PATJ: variants seen among roughly 807,000 people sequenced by gnomAD.
The protein encoded by PATJ is PATJ crumbs cell polarity complex component, also known as inaD-like protein.
PATJ carries 190 observed loss-of-function variants against 224.9 expected under a neutral mutation model. The observed-to-expected ratio is 0.84, with a 90% CI of 0.75 to 0.95. PATJ has a LOEUF of 0.95. PATJ is among the 40% of genes least tolerant of loss of function. The probability of loss-of-function intolerance (pLI) is 0.00; values close to 1 mark genes in which losing one functional copy is unlikely to be tolerated. For missense variants in PATJ, 2,121 were observed against 2,270.3 expected, an observed-to-expected ratio of 0.93 and a Z score of 1.34; for synonymous variants, 769 against 820.3, an observed-to-expected ratio of 0.94 and a Z score of 1.07.
intron 27 of PATJ, among the ~76,000 whole-genome samples, chr1:61,938,228 TGGATGG>T: frequency 6.6e-6 from 1 of 152,256 alleles, no homozygotes; most frequent in East Asian, 1.9e-4. Context: ...CTGGTCTAAG[TGGATGG>T]GGGATTCTAC....
rs970907762 is a variant in PATJ at position 61,904,986 on chromosome 1, G to A, written c.3382-3386G>A. Among the ~76,000 whole-genome samples the A allele has an allele frequency of 2.0e-5, 3 of 152,220 alleles. No homozygotes were observed. In the East Asian group the frequency reaches 5.8e-4, roughly 29 times the overall value. On this transcript the variant is annotated intron_variant, in intron 24 of 43. Coordinates refer to ENST00000642238, the MANE Select transcript of PATJ (RefSeq NM_001350145.3). Reference sequence around the variant, plus strand: ...ACCTGTAATCCCAGCACTTTGGGAGGCGGAGGCAGGAATGGATTGAGTCCA... The same window carrying A: ...ACCTGTAATCCCAGCACTTTGGGAGACGGAGGCAGGAATGGATTGAGTCCA...
At chr1:61,834,766 A>C (rs1004669184) in intron 17 of PATJ, among the ~76,000 whole-genome samples, 1 of 152,146 alleles carries the variant, frequency 6.6e-6, no homozygotes, top group African/African-American at 2.4e-5. Flanking sequence ...TTTTTGAGAC[A>C]GAGTCTCGTT....
chr1:62,072,820 AG>A (rs1335810350), intron 31 of PATJ: 1 of 153,044 alleles, frequency 6.5e-6, no homozygotes, highest in East Asian at 1.9e-4. Context: ...CAGATCTGAA[AG>A]GGCTGAAAAA....
rs71050181 is a variant in PATJ, at chr1:61,910,536, CTTTTTTTT to C, written c.3492+2075_3492+2082del. 4.3e-4 allele frequency among the ~76,000 whole-genome samples: 18 copies of C among 42,268 alleles called. No individual in the cohort carries two copies. In the South Asian group the frequency reaches 4.4e-3, roughly 10 times the overall value. 27.7% of individuals were successfully genotyped at this position (42,268 alleles called of 152,430 possible). On this transcript the variant is annotated intron_variant, in intron 25 of 43. Coordinates refer to ENST00000642238, the MANE Select transcript of PATJ (RefSeq NM_001350145.3). ...ACTTTGTTTATAGGGCAAAGTGACTCTTTTTTTTTTTTTTTTTTTTTTTTTTTTGGAGA... is the reference window on the plus strand; with the variant it reads ...ACTTTGTTTATAGGGCAAAGTGACTCTTTTTTTTTTTTTTTTTTTTGGAGA...
At chr1:61,890,901 C>T (rs569759861) in intron 22 of PATJ, among the ~76,000 whole-genome samples, 2 of 152,176 alleles carry the variant, frequency 1.3e-5, no homozygotes, top group South Asian at 4.1e-4. Context: ...AATATAACAG[C>T]CTTGCCAATA....
At chr1:61,920,993 A>G (rs2149260569) in intron 26 of PATJ, among the ~76,000 whole-genome samples, 1 of 152,164 alleles carries the variant, frequency 6.6e-6, no homozygotes, top group East Asian at 1.9e-4. Context: ...GGCATGAACC[A>G]CCGCACCTGG....
At chr1:62,004,325 C>T (rs927056689) in intron 28 of PATJ, among the ~76,000 whole-genome samples, 5 of 152,128 alleles carry the variant, frequency 3.3e-5, no homozygotes, top group South Asian at 2.1e-4. Flanking sequence ...GTATCCTCAT[C>T]ACTTATGCAA....
At chr1:61,832,501 C>T (rs988051042) in intron 16 of PATJ, among the ~76,000 whole-genome samples, 4 of 151,944 alleles carry the variant, frequency 2.6e-5, no homozygotes, top group South Asian at 2.1e-4. Flanking sequence ...ACTGAGGTTA[C>T]CCAAAGATTT....
intron 28 of PATJ, among the ~76,000 whole-genome samples, chr1:62,000,441 TGC>T (rs1645691961): frequency 6.8e-6 from 1 of 147,560 alleles, no homozygotes; most frequent in African/African-American, 2.5e-5. Flanking sequence ...AGTGAGAATA[TGC>T]AGTGTTTGGT....
intron 1 of PATJ, among the ~76,000 whole-genome samples, chr1:61,756,563 C>CTTTTTT (rs370667808): frequency 3.5e-3 from 230 of 65,524 alleles, no homozygotes; most frequent in Non-Finnish European, 4.0e-3. Flanking sequence ...AACCAGGACA[C>CTTTTTT]TTTTTTTTTT....
At chr1:61,757,390 ATTTTTG>A (rs1177766728) in intron 1 of PATJ, among the ~76,000 whole-genome samples, 13 of 150,954 alleles carry the variant, frequency 8.6e-5, no homozygotes, top group African/African-American at 2.5e-4. Flanking sequence ...CATTATTTTT[ATTTTTG>A]TTTTTTGAGA....
chr1:61,972,993 A>G (rs1371434818), intron 27 of PATJ, among the ~76,000 whole-genome samples: 1 of 152,110 alleles, frequency 6.6e-6, no homozygotes, highest in Admixed American at 6.6e-5. Flanking sequence ...TACCCAAAAA[A>G]GGTATTCTAT....
chr1:62,024,373 A>G (rs182232929), intron 29 of PATJ, among the ~76,000 whole-genome samples: 1 of 152,076 alleles, frequency 6.6e-6, no homozygotes, highest in Non-Finnish European at 1.5e-5. Context: ...TACCAATTCA[A>G]TTTCAGAAGT....
intron 28 of PATJ, among the ~76,000 whole-genome samples, chr1:61,994,060 A>T (rs1433883373): frequency 3.3e-5 from 5 of 152,240 alleles, no homozygotes; most frequent in Non-Finnish European, 7.3e-5. Flanking sequence ...TTAAAAAAAA[A>T]TAACGAATAA....
At chr1:61,997,293 G>A (rs1645421950) in intron 28 of PATJ, among the ~76,000 whole-genome samples, 1 of 152,102 alleles carries the variant, frequency 6.6e-6, no homozygotes, top group African/African-American at 2.4e-5. Flanking sequence ...ACCTCATTTT[G>A]TTACTCGTAA....
intron 43 of PATJ, among the ~76,000 whole-genome samples, chr1:62,160,154 T>C (rs1669708959): frequency 6.6e-6 from 1 of 152,074 alleles, no homozygotes; most frequent in Non-Finnish European, 1.5e-5. Flanking sequence ...GGTCTTTTCT[T>C]CCCTTACCAG....
At chr1:61,870,602 C>G (rs540243501) in intron 20 of PATJ, among the ~76,000 whole-genome samples, 1 of 152,256 alleles carries the variant, frequency 6.6e-6, no homozygotes, top group East Asian at 1.9e-4. Context: ...ACCATATATA[C>G]CACATTTTGT....
At chr1:61,824,429 C>CTTTT (rs33949343) in intron 15 of PATJ, among the ~76,000 whole-genome samples, 4 of 138,246 alleles carry the variant, frequency 2.9e-5, no homozygotes, top group Admixed American at 7.6e-5. Flanking sequence ...ACCTTTTTTC[C>CTTTT]TTTTTTTTTT....
chr1:61,920,841 G>A (rs1674213684), intron 26 of PATJ, among the ~76,000 whole-genome samples: 1 of 151,550 alleles, frequency 6.6e-6, no homozygotes, highest in Admixed American at 6.6e-5. Flanking sequence ...TGAGTAGCTG[G>A]GATTACAGGA....
Sources: allele counts gnomAD v4.1 joint callset (sites outside exome capture counted in the v4.1 genomes callset), GRCh38; gene constraint gnomAD v4.1.1; transcripts MANE v1.5; gene names NCBI Gene and HGNC (gene_info 2026-07-23, HGNC 2026-07-21).